Variants in NEK10 observed in about 807,000 individuals in gnomAD.
NEK10 encodes the protein serine/threonine-protein kinase Nek10.
NEK10 carries 122 observed loss-of-function variants against 159.8 expected under a neutral mutation model. That is an observed-to-expected ratio of 0.76 (90% CI 0.66 to 0.89). The LOEUF (loss-of-function observed/expected upper bound fraction) is 0.89. Ranked by LOEUF, NEK10 falls within the 40% of genes least tolerant of loss-of-function variation. The probability of loss-of-function intolerance (pLI) is 0.00; values close to 1 mark genes in which losing one functional copy is unlikely to be tolerated. For missense variants in NEK10, 1,342 were observed against 1,323.1 expected, an observed-to-expected ratio of 1.01 and a Z score of -0.22; for synonymous variants, 466 against 457.1, an observed-to-expected ratio of 1.02 and a Z score of -0.25.
At chr3:27,239,205 A>T (rs1031876045) in intron 23 of NEK10, among the ~76,000 whole-genome samples, 2 of 151,954 alleles carry the variant, frequency 1.3e-5, no homozygotes, top group Admixed American at 6.6e-5. Context: ...CACAAAAAAA[A>T]TTAAAATAAC....
intron 26 of NEK10, among the ~76,000 whole-genome samples, chr3:27,183,810 T>C (rs994890644): frequency 5.3e-5 from 8 of 152,184 alleles, no homozygotes; most frequent in African/African-American, 1.9e-4. Flanking sequence ...TACACAAAGA[T>C]ATATAAATAG....
intron 25 of NEK10, among the ~76,000 whole-genome samples, chr3:27,198,714 G>A (rs1949773184): frequency 6.6e-6 from 1 of 152,036 alleles, no homozygotes; most frequent in African/African-American, 2.4e-5. Flanking sequence ...GACAACCTAG[G>A]CAATACCATT....
chr3:27,213,281 CAG>C (rs1421195355), intron 23 of NEK10, among the ~76,000 whole-genome samples: 3 of 152,112 alleles, frequency 2.0e-5, no homozygotes, highest in Non-Finnish European at 2.9e-5. Flanking sequence ...AGATAAAAGA[CAG>C]AGTAGGGGGA....
At chr3:27,153,397 C>T (rs920481367) in intron 30 of NEK10, among the ~76,000 whole-genome samples, 3 of 151,154 alleles carry the variant, frequency 2.0e-5, no homozygotes, top group African/African-American at 7.3e-5. Context: ...GACAGGTTAT[C>T]AAGACAGAAA....
intron 32 of NEK10, among the ~76,000 whole-genome samples, chr3:27,121,425 T>C (rs1393951198): frequency 6.6e-6 from 1 of 152,178 alleles, no homozygotes; most frequent in Admixed American, 6.5e-5. Context: ...ACTCCCACAA[T>C]TCCCATGTGT....
intron 23 of NEK10, among the ~76,000 whole-genome samples, chr3:27,247,993 T>A (rs971949327): frequency 1.3e-5 from 2 of 152,042 alleles, no homozygotes; most frequent in Non-Finnish European, 2.9e-5. Flanking sequence ...AGTGAAGCCA[T>A]TGGGTCTCAG....
At chr3:27,151,503 C>A (rs866813321) in intron 30 of NEK10, among the ~76,000 whole-genome samples, 4 of 152,290 alleles carry the variant, frequency 2.6e-5, no homozygotes, top group Middle Eastern at 3.4e-3. Context: ...AGAATCTCAA[C>A]AACAGCCTTT....
intron 16 of NEK10, among the ~76,000 whole-genome samples, chr3:27,293,301 T>C (rs892136037): frequency 1.3e-5 from 2 of 152,218 alleles, no homozygotes; most frequent in Admixed American, 1.3e-4. Context: ...TATCTTTAAT[T>C]ATCAAAAAGA....
intron 23 of NEK10, among the ~76,000 whole-genome samples, chr3:27,228,516 C>A (rs1952873466): frequency 6.6e-6 from 1 of 152,064 alleles, no homozygotes; most frequent in Admixed American, 6.5e-5. Context: ...CTTATTTCTA[C>A]CATGGCCCAT....
At chr3:27,190,513 G>A (rs1949017066) in intron 26 of NEK10, among the ~76,000 whole-genome samples, 2 of 152,264 alleles carry the variant, frequency 1.3e-5, no homozygotes, top group Middle Eastern at 3.4e-3. Context: ...AAGCTGAGAA[G>A]TGTAAATAAA....
At chr3:27,315,511 A>T (rs1427015293) in intron 6 of NEK10, among the ~76,000 whole-genome samples, 1 of 152,218 alleles carries the variant, frequency 6.6e-6, no homozygotes, top group Non-Finnish European at 1.5e-5. Context: ...ACTCTAGAAG[A>T]GCTATAATTA....
chr3:27,323,559 G>A (rs1381822849), intron 5 of NEK10, among the ~76,000 whole-genome samples: 1 of 151,964 alleles, frequency 6.6e-6, no homozygotes. Flanking sequence ...GTCATATTAT[G>A]ACAGAAACTG....
intron 22 of NEK10, among the ~76,000 whole-genome samples, chr3:27,280,972 A>AGATGCAGAAACAATTCAG (rs2042118542): frequency 2.0e-5 from 3 of 151,720 alleles, no homozygotes; most frequent in African/African-American, 4.8e-5. Flanking sequence ...TACCTTCAGA[A>AGATGCAGAAACAATTCAG]GATGCAGAAA....
In NEK10 at chr3:27,161,539, C is replaced by T. The variant is rs1435800985; in HGVS notation, c.2869+1162G>A. 4.6e-5 allele frequency among the ~76,000 whole-genome samples: 7 copies of T among 152,182 alleles called. No homozygotes were observed. In the East Asian group the frequency reaches 1.2e-3, roughly 25 times the overall value. On this transcript the variant is annotated intron_variant, in intron 30 of 35. Coordinates refer to ENST00000691995, the MANE Select transcript of NEK10 (RefSeq NM_001394966.1). Reference sequence around the variant, plus strand: ...CAAATTAACCAATAGTAAAGTAGAACTCTATGCTCAAGAGTTGTATGCTCA... The same window carrying T: ...CAAATTAACCAATAGTAAAGTAGAATTCTATGCTCAAGAGTTGTATGCTCA...
At chr3:27,144,681 T>C (rs138383136) in intron 30 of NEK10, among the ~76,000 whole-genome samples, 1 of 152,322 alleles carries the variant, frequency 6.6e-6, no homozygotes, top group African/African-American at 2.4e-5. Flanking sequence ...TCTTATTGAT[T>C]TGTAAATGCT....
chr3:27,190,489 A>G (rs1008734462), intron 26 of NEK10, among the ~76,000 whole-genome samples: 1 of 152,182 alleles, frequency 6.6e-6, no homozygotes, highest in Admixed American at 6.5e-5. Context: ...GTTTTCCATA[A>G]TAAAGAATTT....
At position 27,192,040 on chromosome 3, in the gene NEK10, C is replaced by G. The variant is rs1949161377; in HGVS notation, c.2494G>C (p.Val832Leu). ...ATATTTGCACTTACGTGAGATAGAA[C>G]AGCCAGCTCATGGTGACATGTGACG... ...NTVTCHHELAVLSHETFEKAS... is the reference protein window; with the variant it reads ...NTVTCHHELALLSHETFEKAS... The change falls in exon 26 of 36, where the codon GTT becomes CTT. Residue 832 changes from valine (V) to leucine (L), a missense_variant. By Grantham distance (32) the Val-to-Leu change is conservative. Transcript: ENST00000691995. 1 of 1,614,130 alleles carries G rather than the reference C, an allele frequency of 6.2e-7. No homozygotes were observed. The highest frequency in any genetic ancestry group is 1.1e-5 in the South Asian group (1 of 91,084).
rs1177159174 is a variant in NEK10, at chr3:27,119,790, C to G, written c.3160G>C (p.Gly1054Arg). 1.2e-6 allele frequency: 2 copies of G among 1,613,906 alleles called. No homozygotes were observed. The highest frequency in any genetic ancestry group is 3.3e-5 in the Admixed American group (2 of 59,996). ...DYHLLHRSSG[G>R]NSLSPNDPTG... Reference sequence around the variant, plus strand: ...GGGTCATTTGGGGACAGGCTGTTTCCACCGGATGAACGATGTAATAAATGG... The same window carrying G: ...GGGTCATTTGGGGACAGGCTGTTTCGACCGGATGAACGATGTAATAAATGG... The change falls in exon 33 of 36, where the codon GGA becomes CGA. Residue 1054 changes from glycine (G) to arginine (R), a missense_variant. Gly to Arg is a moderately radical substitution (Grantham distance 125). Coordinates refer to ENST00000691995, the MANE Select transcript of NEK10 (RefSeq NM_001394966.1).
chr3:27,304,862 A>G lies in NEK10; in HGVS notation c.913T>C (p.Leu305=), dbSNP rs546796181. Residue 305 remains leucine, a synonymous_variant, in exon 12 of 36, where the codon TTG becomes CTG. Transcript: ENST00000691995. Reference sequence around the variant, plus strand: ...CAGACAATGCTCCAGAGGAGCTTCAAGTGGTCAGAGTGGAGCAGACTGAGG... The same window carrying G: ...CAGACAATGCTCCAGAGGAGCTTCAGGTGGTCAGAGTGGAGCAGACTGAGG... ...VLLSLLHSDH[L]KLLWSIVWIL... The G allele has an allele frequency of 2.0e-5, 32 of 1,613,204 alleles. 1 individual carries two copies. The East Asian group carries it at 5.1e-4, about 26-fold the overall frequency.
Sources: allele counts gnomAD v4.1 joint callset (sites outside exome capture counted in the v4.1 genomes callset), GRCh38; gene constraint gnomAD v4.1.1; transcripts MANE v1.5; gene names NCBI Gene and HGNC (gene_info 2026-07-23, HGNC 2026-07-21).